The following GJC1 variants were observed in gnomAD, a reference collection of about 807,000 sequenced individuals.
GJC1 encodes the protein gap junction protein gamma 1, also known as gap junction gamma-1 protein.
Under a neutral mutation model 29.3 loss-of-function variants are expected in GJC1, and 5 were observed. The observed-to-expected ratio is 0.17, with a 90% CI of 0.09 to 0.36. The LOEUF (loss-of-function observed/expected upper bound fraction) is 0.36, where lower values mean the gene tolerates loss of function less well. GJC1 is among the 10% of genes least tolerant of loss of function. The pLI, the probability that GJC1 is intolerant of heterozygous loss-of-function variation, is 1.00. For synonymous variants in GJC1, 177 were observed against 183.3 expected (o/e 0.97, Z 0.28); for missense variants, 310 against 496.2 (o/e 0.62, Z 3.56).
At chr17:44,814,330 T>A (rs1170222579) in intron 1 of GJC1, among the ~76,000 whole-genome samples, 1 of 151,482 alleles carries the variant, frequency 6.6e-6, no homozygotes, top group African/African-American at 2.4e-5. Context: ...TTAGTAGAGA[T>A]GGGGTTTCAC....
chr17:44,797,422 G>A (rs2049790728), downstream of GJC1: 1 of 150,966 alleles, frequency 6.6e-6, no homozygotes, highest in African/African-American at 2.4e-5. Context: ...ATGGTCCAAT[G>A]GTTACATTTT....
Position 44,814,665 on chromosome 17 carries a change from C to T in GJC1, c.-96-7196G>A, listed in dbSNP as rs1193347426. ...GTGCCTAAAATTCAGGACATAGGGC[C>T]GGAGCGATGGCTCACGCCTGTAATC... On this transcript the variant is annotated intron_variant, in intron 1 of 2. Transcript: ENST00000592524. Among the ~76,000 whole-genome samples the T allele has an allele frequency of 3.3e-5, 5 of 151,820 alleles. No individual in the cohort carries two copies. The South Asian group carries it at 8.3e-4, about 25-fold the overall frequency.
chr17:44,823,248 G>GTT (rs10710605), intron 1 of GJC1, among the ~76,000 whole-genome samples: 1,533 of 117,768 alleles, frequency 0.013, 22 homozygotes, highest in African/African-American at 0.019. Flanking sequence ...TTTCTTTCCT[G>GTT]TTTTTTTTTT....
rs1417957661 is a variant in GJC1 at position 44,803,849 on chromosome 17, G to A, written c.*778C>T. 6.6e-6 allele frequency: 1 copy of A among 152,116 alleles called. No individual in the cohort carries two copies. Among genetic ancestry groups the A allele is most frequent in the Non-Finnish European group, 1.5e-5 (1 of 68,032 alleles). 9.4% of individuals were successfully genotyped at this position (152,116 alleles called of 1,614,324 possible). A position where few individuals can be genotyped will look rare whatever the true frequency, so the allele number is the denominator to read the frequency against. ...AACTGGGGACACGTTTCTGTATCAG[G>A]CTTTTGAAAGAACTTTAAGTTATAT... On this transcript the variant is annotated 3_prime_UTR_variant, in exon 3 of 3. Coordinates refer to ENST00000592524, the MANE Select transcript of GJC1 (RefSeq NM_005497.4).
intron 1 of GJC1, among the ~76,000 whole-genome samples, chr17:44,811,506 C>A (rs2049981413): frequency 6.6e-6 from 1 of 151,658 alleles, no homozygotes; most frequent in Non-Finnish European, 1.5e-5. Flanking sequence ...CTCACCTCAG[C>A]CTCCCAAATA....
In GJC1 at chr17:44,804,283, A is replaced by T. The variant is rs1156901980; in HGVS notation, c.*344T>A. 1 of 197,890 alleles carries T rather than the reference A, an allele frequency of 5.1e-6. No individual in the cohort carries two copies. Among genetic ancestry groups the T allele is most frequent in the East Asian group, 1.3e-4 (1 of 7,734 alleles). The allele number at this position is 197,890 out of a possible 1,614,324, so 12.3% of individuals were successfully genotyped here. A position where few individuals can be genotyped will look rare whatever the true frequency, so the allele number is the denominator to read the frequency against. ...CTACAGCAGTTCAATGTACAAATAC[A>T]AAAAAAGTTCTCATACTAAAAAAAA... On this transcript the variant is annotated 3_prime_UTR_variant, in exon 3 of 3. Transcript: ENST00000592524.
chr17:44,821,389 C>A (rs1283904021), intron 1 of GJC1, among the ~76,000 whole-genome samples: 2 of 152,208 alleles, frequency 1.3e-5, no homozygotes, highest in Admixed American at 6.6e-5. Flanking sequence ...TACAAAATTT[C>A]TTTAAAAAAA....
At chr17:44,806,401 G>GTTTTT (rs35152035) in intron 2 of GJC1, among the ~76,000 whole-genome samples, 8 of 122,130 alleles carry the variant, frequency 6.6e-5, no homozygotes, top group African/African-American at 9.1e-5. Flanking sequence ...TCTTCTGTTT[G>GTTTTT]TTTTTTTTTT....
chr17:44,829,854 C>G (rs1032542079), intron 1 of GJC1, among the ~76,000 whole-genome samples: 3 of 152,030 alleles, frequency 2.0e-5, no homozygotes, highest in Admixed American at 6.5e-5. Context: ...GGGACAGTGG[C>G]AGGACGCGGG....
intron 1 of GJC1, among the ~76,000 whole-genome samples, chr17:44,814,099 A>G (rs567064211): frequency 6.6e-6 from 1 of 152,192 alleles, no homozygotes. Flanking sequence ...CACTGTGGAG[A>G]AAAGTGGGTT....
intron 1 of GJC1, among the ~76,000 whole-genome samples, chr17:44,829,302 G>A (rs1245319193): frequency 1.3e-5 from 2 of 152,038 alleles, no homozygotes; most frequent in Non-Finnish European, 2.9e-5. Flanking sequence ...AAACGCAGCC[G>A]CCAACCACAC....
At chr17:44,807,513 C>T (rs2049925381) in intron 1 of GJC1, 44 bp from the exon 2 acceptor site, 1 of 152,190 alleles carries the variant, frequency 6.6e-6, no homozygotes, top group South Asian at 2.1e-4. Context: ...CTTTCTCCCA[C>T]AGAAAACAAT....
chr17:44,810,328 G>C (rs1010543377), intron 1 of GJC1, among the ~76,000 whole-genome samples: 1 of 152,130 alleles, frequency 6.6e-6, no homozygotes, highest in Non-Finnish European at 1.5e-5. Context: ...TTATTGTTAT[G>C]AAAGAATTTC....
At chr17:44,819,293 C>T (rs1000957944) in intron 1 of GJC1, among the ~76,000 whole-genome samples, 1 of 152,126 alleles carries the variant, frequency 6.6e-6, no homozygotes, top group Non-Finnish European at 1.5e-5. Context: ...ATATATTTGT[C>T]TTTTTGTGTC....
At chr17:44,796,031 C>G (rs1056904870), downstream of GJC1, among the ~76,000 whole-genome samples, 1 of 152,244 alleles carries the variant, frequency 6.6e-6, no homozygotes, top group African/African-American at 2.4e-5. Flanking sequence ...CCAGGCCAAA[C>G]TCCATGTCAT....
At chr17:44,813,510 G>A (rs1348407054) in intron 1 of GJC1, among the ~76,000 whole-genome samples, 1 of 30,128 alleles carries the variant, frequency 3.3e-5, no homozygotes, top group African/African-American at 1.3e-4. Flanking sequence ...TTTTTTTTTT[G>A]AGACAAGAGT....
rs905633264 is a variant in GJC1, at chr17:44,806,709, T to C, written c.-21+685A>G. Among the ~76,000 whole-genome samples, 6 of 151,926 alleles carry C rather than the reference T, an allele frequency of 3.9e-5. No individual in the cohort carries two copies. The East Asian group carries it at 1.2e-3, about 29-fold the overall frequency. ...TGGCCAGACCTAGGTTCTTTACACA[T>C]ACTATTATTTCATGAGACCTTCAGA... On this transcript the variant is annotated intron_variant, in intron 2 of 2. Coordinates refer to ENST00000592524, the MANE Select transcript of GJC1 (RefSeq NM_005497.4).
downstream of GJC1, among the ~76,000 whole-genome samples, chr17:44,796,571 A>G (rs1448557236): frequency 6.6e-6 from 1 of 152,146 alleles, no homozygotes; most frequent in Non-Finnish European, 1.5e-5. Context: ...TACTTCAAAC[A>G]ATTTTTTAAA....
At chr17:44,815,719 T>C (rs1316285011) in intron 1 of GJC1, among the ~76,000 whole-genome samples, 1 of 152,178 alleles carries the variant, frequency 6.6e-6, no homozygotes, top group Non-Finnish European at 1.5e-5. Context: ...AGTATAGACA[T>C]TGATTAATTG....
Sources: allele counts gnomAD v4.1 joint callset (sites outside exome capture counted in the v4.1 genomes callset), GRCh38; gene constraint gnomAD v4.1.1; transcripts MANE v1.5; gene names NCBI Gene and HGNC (gene_info 2026-07-23, HGNC 2026-07-21).